Variants in CDH3 observed in about 807,000 individuals in gnomAD.
The protein encoded by CDH3 is cadherin 3.
In CDH3, 54 loss-of-function variants were observed where a neutral mutation model predicts 82.0. The ratio of observed to expected loss-of-function variants is 0.66; its 90% CI spans 0.53 to 0.83. The LOEUF is 0.83. CDH3 is among the 40% of genes least tolerant of loss of function. The pLI is 0.00. For missense variants in CDH3, 1,054 were observed against 1,084.6 expected, an observed-to-expected ratio of 0.97 and a Z score of 0.40; for synonymous variants, 446 against 437.9, an observed-to-expected ratio of 1.02 and a Z score of -0.23.
rs35232945 is a variant in CDH3 at position 68,685,280 on chromosome 16, C to T, written c.1500C>T (p.Thr500=). The T allele has an allele frequency of 3.4e-3, 5,459 of 1,614,124 alleles. 11 individuals carry two copies. Among genetic ancestry groups the T allele is most frequent in the Non-Finnish European group, 4.1e-3 (4,824 of 1,180,028 alleles). The change falls in exon 11 of 16, where the codon ACC becomes ACT. Residue 500 remains threonine, a synonymous_variant. Coordinates refer to ENST00000264012, the MANE Select transcript of CDH3 (RefSeq NM_001793.6). Reference sequence around the variant, plus strand: ...GTGGGCAGGTCACAGCTGTGGGCACCCTCGACCGTGAGGATGAGCAGTTTG... The same window carrying T: ...GTGGGCAGGTCACAGCTGTGGGCACTCTCGACCGTGAGGATGAGCAGTTTG... ...PDSGQVTAVG[T]LDREDEQFVR...
At chr16:68,724,483 A>G (rs919644941) in intron 2 of CDH3, among the ~76,000 whole-genome samples, 6 of 151,920 alleles carry the variant, frequency 3.9e-5, no homozygotes, top group Non-Finnish European at 8.8e-5. Context: ...AAACTTAGCC[A>G]GGCATGGTGG....
chr16:68,653,712 C>T (rs1232835686), intron 2 of CDH3, among the ~76,000 whole-genome samples: 7 of 140,714 alleles, frequency 5.0e-5, no homozygotes, highest in South Asian at 2.3e-4. Flanking sequence ...TTTTTTGAGA[C>T]GGAGTCTCGC....
At chr16:68,654,306 G>A (rs1344295126) in intron 2 of CDH3, among the ~76,000 whole-genome samples, 8 of 142,324 alleles carry the variant, frequency 5.6e-5, no homozygotes, top group Admixed American at 1.4e-4. Context: ...TGATCTACCC[G>A]CCTTGGCCTC....
chr16:68,676,320 T>G, intron 2 of CDH3, 65 bp from the exon 3 acceptor site: 1 of 1,207,326 alleles, frequency 8.3e-7, no homozygotes, highest in Non-Finnish European at 1.2e-6. Flanking sequence ...GTCAGTCTTG[T>G]TTTCCTGGGG....
rs544133688 is a variant in CDH3 at position 68,661,281 on chromosome 16, A to C, written c.161-15104A>C. 7.2e-5 allele frequency among the ~76,000 whole-genome samples: 11 copies of C among 152,366 alleles called. No individual in the cohort carries two copies. In the South Asian group the frequency reaches 1.2e-3, roughly 17 times the overall value. ...GTGCCTGAATTGGGGTCCCAGAGCC[A>C]CTGTGTCTGGGTTGAATCTGTCCAC... On this transcript the variant is annotated intron_variant, in intron 2 of 15. Coordinates refer to ENST00000264012, the MANE Select transcript of CDH3 (RefSeq NM_001793.6).
chr16:68,704,833 A>G (rs1043372281), downstream of CDH3, among the ~76,000 whole-genome samples: 1 of 152,220 alleles, frequency 6.6e-6, no homozygotes, highest in Non-Finnish European at 1.5e-5. Context: ...GGTGGGAAAA[A>G]TCATTTGAGC....
chr16:68,715,626 G>A (rs10852450), intron 1 of CDH3, among the ~76,000 whole-genome samples: 37,208 of 151,978 alleles, frequency 0.24, 4,727 homozygotes, highest in Admixed American at 0.29. Flanking sequence ...CTCATAAAGC[G>A]TTCTTGGTGC....
chr16:68,665,772 C>T (rs1330433195), intron 2 of CDH3, among the ~76,000 whole-genome samples: 1 of 152,020 alleles, frequency 6.6e-6, no homozygotes, highest in African/African-American at 2.4e-5. Context: ...GGGTTTCACT[C>T]TGGGAGGGAA....
At chr16:68,667,609 C>G (rs181009207) in intron 2 of CDH3, among the ~76,000 whole-genome samples, 12 of 152,294 alleles carry the variant, frequency 7.9e-5, no homozygotes, top group Non-Finnish European at 1.8e-4. Flanking sequence ...AAATTCCAAC[C>G]TAAAAGCAGG....
chr16:68,694,566 G>A (rs1441826404), intron 13 of CDH3, among the ~76,000 whole-genome samples: 2 of 151,002 alleles, frequency 1.3e-5, no homozygotes, highest in Admixed American at 1.3e-4. Flanking sequence ...AGGTTGCAGT[G>A]AGCCGAGATT....
At chr16:68,664,861 G>C (rs368455108) in intron 2 of CDH3, among the ~76,000 whole-genome samples, 1 of 151,928 alleles carries the variant, frequency 6.6e-6, no homozygotes, top group Admixed American at 6.6e-5. Flanking sequence ...TGTTGCCCAG[G>C]CTGGTCTCAA....
At chr16:68,679,399 C>T (rs978318985) in intron 6 of CDH3, among the ~76,000 whole-genome samples, 1 of 152,192 alleles carries the variant, frequency 6.6e-6, no homozygotes, top group African/African-American at 2.4e-5. Context: ...AGTGTTAGAA[C>T]ATGGCTGATG....
intron 3 of CDH3, 106 bp from the exon 4 acceptor site, chr16:68,678,028 C>T (rs1001866462): frequency 9.7e-6 from 10 of 1,033,976 alleles, no homozygotes; most frequent in Middle Eastern, 2.1e-4. Flanking sequence ...GGATTATAGG[C>T]GTGAGCTACC....
intron 1 of CDH3, among the ~76,000 whole-genome samples, chr16:68,713,055 C>A (rs978980520): frequency 3.3e-5 from 5 of 152,098 alleles, no homozygotes; most frequent in Non-Finnish European, 7.4e-5. Flanking sequence ...TCCCCTCCTC[C>A]TGTGATCTCC....
At chr16:68,687,206 G>A (rs550722383) in intron 11 of CDH3, among the ~76,000 whole-genome samples, 25 of 152,308 alleles carry the variant, frequency 1.6e-4, no homozygotes, top group African/African-American at 5.5e-4. Context: ...CAGCAGGGCT[G>A]TGAAGGGAAG....
chr16:68,673,901 G>T (rs1960960826), intron 2 of CDH3, among the ~76,000 whole-genome samples: 1 of 151,930 alleles, frequency 6.6e-6, no homozygotes, highest in Admixed American at 6.6e-5. Flanking sequence ...GCAAGAGAGT[G>T]AGACTCCATC....
intron 15 of CDH3, among the ~76,000 whole-genome samples, chr16:68,697,407 T>A (rs1344642285): frequency 6.6e-6 from 1 of 152,168 alleles, no homozygotes; most frequent in Non-Finnish European, 1.5e-5. Context: ...CTACCTGGGT[T>A]TGGATTATAG....
At chr16:68,698,151 G>A in intron 15 of CDH3, 40 bp from the exon 16 acceptor site, 1 of 1,597,172 alleles carries the variant, frequency 6.3e-7, no homozygotes, top group Non-Finnish European at 8.6e-7. Context: ...GCAAGAGGCA[G>A]GACCCGCCGC....
intron 1 of CDH3, among the ~76,000 whole-genome samples, chr16:68,709,657 C>T (rs1962004286): frequency 6.6e-6 from 1 of 152,156 alleles, no homozygotes; most frequent in Non-Finnish European, 1.5e-5. Flanking sequence ...CAAGGTTTCG[C>T]CATATTGGCT....
Sources: gnomAD v4.1 joint callset for allele counts (sites outside exome capture counted in the v4.1 genomes callset) on GRCh38, gnomAD v4.1.1 for gene constraint, MANE v1.5 for transcripts, NCBI Gene and HGNC (gene_info 2026-07-23, HGNC 2026-07-21) for gene names.